The following GPHN variants were observed in gnomAD, a reference collection of about 807,000 sequenced individuals.
The protein encoded by GPHN is gephyrin.
In GPHN, 17 loss-of-function variants were observed where a neutral mutation model predicts 95.5. The observed-to-expected ratio is 0.18, with a 90% CI of 0.12 to 0.27. The LOEUF (loss-of-function observed/expected upper bound fraction) is 0.27. Ranked by LOEUF, GPHN falls within the 10% of genes least tolerant of loss-of-function variation. The pLI, the probability that GPHN is intolerant of heterozygous loss-of-function variation, is 1.00. For missense variants in GPHN, 660 were observed against 978.1 expected, an observed-to-expected ratio of 0.67 and a Z score of 4.34; for synonymous variants, 320 against 322.5, an observed-to-expected ratio of 0.99 and a Z score of 0.08.
chr14:66,825,873 T>C (rs886631929), intron 4 of GPHN, among the ~76,000 whole-genome samples: 1 of 152,198 alleles, frequency 6.6e-6, no homozygotes, highest in African/African-American at 2.4e-5. Flanking sequence ...AAGTTTTACA[T>C]TTCTTTTATG....
Position 66,772,951 on chromosome 14 carries a change from T to G in GPHN, c.144-3513T>G, listed in dbSNP as rs140322522. ...TTAATATATGAGCACTTTAGAAAAA[T>G]TAATGCCTTGCCCTTGAAATCACAG... On this transcript the variant is annotated intron_variant, in intron 2 of 22. Coordinates refer to ENST00000478722, the MANE Select transcript of GPHN (RefSeq NM_020806.5). Among the ~76,000 whole-genome samples, 830 of 152,280 alleles carry G rather than the reference T, an allele frequency of 5.5e-3. 3 individuals carry two copies. The highest frequency in any genetic ancestry group is 0.019 in the African/African-American group (793 of 41,550).
chr14:66,819,775 C>A (rs1305003328), intron 3 of GPHN, among the ~76,000 whole-genome samples: 1 of 151,910 alleles, frequency 6.6e-6, no homozygotes, highest in Non-Finnish European at 1.5e-5. Context: ...AAGCTAACTA[C>A]CCAAGAGTAA....
At chr14:67,055,974 A>G (rs1184284574) in intron 10 of GPHN, among the ~76,000 whole-genome samples, 1 of 152,190 alleles carries the variant, frequency 6.6e-6, no homozygotes, top group African/African-American at 2.4e-5. Context: ...TGCTGGCTTC[A>G]GGAGTGAAGC....
the GPHN span, among the ~76,000 whole-genome samples, chr14:67,734,644 C>T: frequency 6.6e-6 from 1 of 152,184 alleles, no homozygotes. Flanking sequence ...TGTGTAGCTG[C>T]TGGGAGGAAT....
intron 1 of GPHN, among the ~76,000 whole-genome samples, chr14:66,664,134 A>G (rs2065812663): frequency 6.6e-6 from 1 of 152,214 alleles, no homozygotes; most frequent in Non-Finnish European, 1.5e-5. Context: ...TGGACCTGAT[A>G]TATATCTACA....
the GPHN span, among the ~76,000 whole-genome samples, chr14:67,475,264 C>T: frequency 5.3e-4 from 81 of 152,282 alleles, 1 homozygote; most frequent in African/African-American, 1.8e-3. Flanking sequence ...GTATATATCA[C>T]CATATTTTGT....
At position 66,771,272 on chromosome 14, in the gene GPHN, C is replaced by T. The variant is rs115583059; in HGVS notation, c.144-5192C>T. Among the ~76,000 whole-genome samples, 1,069 of 152,298 alleles carry T rather than the reference C, an allele frequency of 7.0e-3. 5 individuals carry two copies. The highest frequency in any genetic ancestry group is 0.025 in the African/African-American group (1,022 of 41,564). On this transcript the variant is annotated intron_variant, in intron 2 of 22. Transcript: ENST00000478722. ...TTTTTGATTGGCTCCTTACCTCTTT[C>T]ATTTCCCTCCTTACCTAGCTTACAT...
rs34446302 is a variant in GPHN at position 67,138,887 on chromosome 14, CTT to C, written c.1749-4447_1749-4446del. 4.1e-3 allele frequency among the ~76,000 whole-genome samples: 390 copies of C among 94,662 alleles called. 10 individuals are homozygous for C. Among genetic ancestry groups the C allele is most frequent in the African/African-American group, 0.021 (352 of 16,810 alleles). 62.1% of individuals were successfully genotyped at this position (94,662 alleles called of 152,430 possible). On this transcript the variant is annotated intron_variant, in intron 17 of 22. Transcript: ENST00000478722. ...ATACCTCTTGCCACAGCATCCTCTC[CTT>C]TTTTTTTTTTTTTTTTTTTTTTTTT...
chr14:67,678,838 T>TA, the GPHN span, among the ~76,000 whole-genome samples: 34,562 of 145,252 alleles, frequency 0.24, 4,266 homozygotes, highest in South Asian at 0.47. Context: ...CCTGGAGTAG[T>TA]AAAAAAAAAA....
intron 5 of GPHN, among the ~76,000 whole-genome samples, chr14:66,880,747 C>T (rs553198971): frequency 2.6e-4 from 39 of 151,940 alleles, no homozygotes; most frequent in African/African-American, 9.2e-4. Context: ...TGAAATTAGT[C>T]TACCTAAAAC....
chr14:67,685,109 A>C, the GPHN span: 1 of 1,614,182 alleles, frequency 6.2e-7, no homozygotes. Context: ...ATGAAAAAGG[A>C]GAAAAGCCAC....
At chr14:67,599,574 TGTG>T in the GPHN span, among the ~76,000 whole-genome samples, 2 of 152,088 alleles carry the variant, frequency 1.3e-5, no homozygotes, top group Admixed American at 6.6e-5. Context: ...CACACACACT[TGTG>T]GAGGCAAAGA....
At chr14:67,383,302 T>G in the GPHN span, 1 of 1,612,210 alleles carries the variant, frequency 6.2e-7, no homozygotes, top group Non-Finnish European at 8.5e-7. Flanking sequence ...AAATTATACC[T>G]CTGCTTCCAC....
At chr14:66,847,181 G>A (rs900623496) in intron 4 of GPHN, among the ~76,000 whole-genome samples, 6 of 152,024 alleles carry the variant, frequency 3.9e-5, no homozygotes, top group South Asian at 2.1e-4. Flanking sequence ...TAACAGCACA[G>A]CTATGGAAAG....
chr14:66,954,103 A>G lies in GPHN; in HGVS notation c.829-11088A>G, dbSNP rs138767257. ...TCTAACTTTCTTTGTCTTTTTCAAG[A>G]TTGTTTTAGCTATTAGGTTCCTTGA... On this transcript the variant is annotated intron_variant, in intron 8 of 22. Transcript: ENST00000478722. 2.3e-3 allele frequency among the ~76,000 whole-genome samples: 347 copies of G among 150,816 alleles called. 1 individual carries two copies. The highest frequency in any genetic ancestry group is 8.1e-3 in the African/African-American group (335 of 41,214).
the GPHN span, among the ~76,000 whole-genome samples, chr14:67,293,426 G>A: frequency 6.6e-6 from 1 of 152,096 alleles, no homozygotes; most frequent in African/African-American, 2.4e-5. Flanking sequence ...GTATTTCATT[G>A]AATGCCAACA....
At chr14:67,581,065 C>T in the GPHN span, 3 of 1,455,180 alleles carry the variant, frequency 2.1e-6, no homozygotes, top group East Asian at 6.8e-5. Flanking sequence ...GAGGGTGGGG[C>T]CAAACACAAG....
chr14:66,983,606 G>T (rs1221396125), intron 9 of GPHN, among the ~76,000 whole-genome samples: 2 of 152,248 alleles, frequency 1.3e-5, no homozygotes, highest in East Asian at 3.9e-4. Context: ...TCAAAGACAG[G>T]CTTGTTTATA....
At chr14:67,562,356 G>A in the GPHN span, 1 of 1,613,816 alleles carries the variant, frequency 6.2e-7, no homozygotes, top group Non-Finnish European at 8.5e-7. Context: ...TCTAGTTCCA[G>A]CACGGTCCAT....
Sources: allele counts gnomAD v4.1 joint callset (sites outside exome capture counted in the v4.1 genomes callset), GRCh38; gene constraint gnomAD v4.1.1; transcripts MANE v1.5; gene names NCBI Gene and HGNC (gene_info 2026-07-23, HGNC 2026-07-21).